FAM89A: variants seen among roughly 807,000 people sequenced by gnomAD.
The protein encoded by FAM89A is family with sequence similarity 89 member A.
In FAM89A, 10 loss-of-function variants were observed where a neutral mutation model predicts 7.1. The ratio of observed to expected loss-of-function variants is 1.40; its 90% CI spans 0.86 to 2.38. FAM89A has a LOEUF of 2.38. Ranked by LOEUF, FAM89A falls within the 30% of genes most tolerant of loss-of-function variation. The pLI, the probability that FAM89A is intolerant of heterozygous loss-of-function variation, is 0.00. For missense variants in FAM89A, 276 were observed against 262.8 expected, an observed-to-expected ratio of 1.05 and a Z score of -0.35; for synonymous variants, 157 against 129.3, an observed-to-expected ratio of 1.21 and a Z score of -1.45.
At chr1:231,035,031 C>G (rs1318738172) in intron 1 of FAM89A, among the ~76,000 whole-genome samples, 1 of 152,184 alleles carries the variant, frequency 6.6e-6, no homozygotes, top group Non-Finnish European at 1.5e-5. Context: ...AGCGAATCCC[C>G]TTATTCTAAA....
intron 1 of FAM89A, chr1:231,028,685 C>G (rs986407856): frequency 6.6e-6 from 1 of 152,224 alleles, no homozygotes; most frequent in Admixed American, 6.5e-5. Context: ...AATTTGTGGT[C>G]CCTTATTCTC....
Position 231,040,197 on chromosome 1 carries a change from C to T in FAM89A, c.15G>A (p.Arg5=), listed in dbSNP as rs1167806254. The T allele has an allele frequency of 1.8e-6, 2 of 1,097,388 alleles. No homozygotes were observed. The highest frequency in any genetic ancestry group is 3.4e-5 in the African/African-American group (2 of 59,552). 68.0% of individuals were successfully genotyped at this position (1,097,388 alleles called of 1,614,324 possible). A position where few individuals can be genotyped will look rare whatever the true frequency, so the allele number is the denominator to read the frequency against. The change falls in exon 1 of 2, where the codon CGG becomes CGA. Residue 5 remains arginine, a synonymous_variant. Coordinates refer to ENST00000366654, the MANE Select transcript of FAM89A (RefSeq NM_198552.3). ...CGTTGCCCGCGGCCCCGGGCGCCGC[C>T]CGGGCCCCACTCATCGCGCCGCGGC... The part of the protein sequence containing the change: MSGA[R]AAPGAAGNGA...
chr1:231,020,998 G>T (rs961956879), intron 1 of FAM89A, among the ~76,000 whole-genome samples: 3 of 152,130 alleles, frequency 2.0e-5, no homozygotes, highest in Non-Finnish European at 4.4e-5. Flanking sequence ...CAGCATCGGT[G>T]CCTCTTAACC....
At chr1:231,038,415 AG>A (rs1309346748) in intron 1 of FAM89A, among the ~76,000 whole-genome samples, 1 of 152,188 alleles carries the variant, frequency 6.6e-6, no homozygotes, top group Non-Finnish European at 1.5e-5. Flanking sequence ...AGCGGCCCCG[AG>A]GTTTTTCTAT....
In FAM89A at chr1:231,040,114, C is replaced by T; in HGVS notation, c.98G>A (p.Gly33Glu). Residue 33 changes from glycine to glutamate, a missense_variant, in exon 1 of 2, where the codon GGG (glycine) becomes GAG (glutamate). Transcript: ENST00000366654. ...GCCGCCCGACGCCGAGTGCAGCAGC[C>T]CGCTCAAGCTCTTTGGCAGCGGGGG... ...GLPPLPKSLS[G>E]LLHSASGGGA... 7.1e-7 allele frequency: 1 copy of T among 1,417,712 alleles called. No individual in the cohort carries two copies. The highest frequency in any genetic ancestry group is 9.2e-7 in the Non-Finnish European group (1 of 1,083,878). 87.8% of individuals were successfully genotyped at this position (1,417,712 alleles called of 1,614,324 possible). A position where few individuals can be genotyped will look rare whatever the true frequency, so the allele number is the denominator to read the frequency against.
intron 1 of FAM89A, among the ~76,000 whole-genome samples, chr1:231,036,489 T>C (rs1040044107): frequency 2.0e-5 from 3 of 152,156 alleles, no homozygotes; most frequent in African/African-American, 4.8e-5. Flanking sequence ...TGTGTGACCC[T>C]TGAAGCTTTC....
intron 1 of FAM89A, among the ~76,000 whole-genome samples, chr1:231,032,302 T>C (rs1680084384): frequency 6.6e-6 from 1 of 151,920 alleles, no homozygotes; most frequent in Non-Finnish European, 1.5e-5. Flanking sequence ...GACAGGCACA[T>C]ATTCAATTTC....
intron 1 of FAM89A, among the ~76,000 whole-genome samples, chr1:231,029,979 T>C (rs1343585072): frequency 6.6e-6 from 1 of 152,206 alleles, no homozygotes; most frequent in Non-Finnish European, 1.5e-5. Context: ...GCATAGTGTT[T>C]AGAAAAAGCC....
chr1:231,039,781 G>A (rs1482341798), intron 1 of FAM89A, 140 bp downstream of exon 1: 6 of 850,048 alleles, frequency 7.1e-6, no homozygotes, highest in Non-Finnish European at 9.4e-6. Context: ...TCGTTGGGAG[G>A]ACGGCGCCGG....
At chr1:231,031,327 C>G (rs1473683321) in intron 1 of FAM89A, among the ~76,000 whole-genome samples, 4 of 152,042 alleles carry the variant, frequency 2.6e-5, no homozygotes, top group Non-Finnish European at 5.9e-5. Flanking sequence ...TGTGGATATT[C>G]CTCTTTGCTA....
intron 1 of FAM89A, among the ~76,000 whole-genome samples, chr1:231,034,230 C>T (rs1572358034): frequency 6.6e-6 from 1 of 151,980 alleles, no homozygotes; most frequent in East Asian, 1.9e-4. Flanking sequence ...GCACGTGTGC[C>T]CAAAAGTTAT....
chr1:231,021,120 G>A (rs566915475), intron 1 of FAM89A, among the ~76,000 whole-genome samples: 45 of 152,214 alleles, frequency 3.0e-4, no homozygotes, highest in Non-Finnish European at 4.4e-4. Context: ...TGGTGATTCC[G>A]TGCTATGCTG....
intron 1 of FAM89A, among the ~76,000 whole-genome samples, chr1:231,036,503 G>A (rs4074494): frequency 0.41 from 62,610 of 151,862 alleles, 13,094 homozygotes; most frequent in East Asian, 0.55. Context: ...AGCTTTCCAA[G>A]TGGGCCCTTC....
At chr1:231,022,347 T>C (rs1400382436) in intron 1 of FAM89A, among the ~76,000 whole-genome samples, 1 of 152,304 alleles carries the variant, frequency 6.6e-6, no homozygotes, top group Non-Finnish European at 1.5e-5. Context: ...AGTTTGATGC[T>C]ATGGCGCTGG....
chr1:231,032,925 C>T (rs1680099391), intron 1 of FAM89A, among the ~76,000 whole-genome samples: 2 of 152,230 alleles, frequency 1.3e-5, no homozygotes, highest in African/African-American at 4.8e-5. Flanking sequence ...ACTCAGAAAG[C>T]GCACACCTGC....
At chr1:231,024,058 T>G (rs1256548105) in intron 1 of FAM89A, among the ~76,000 whole-genome samples, 3 of 152,250 alleles carry the variant, frequency 2.0e-5, no homozygotes, top group South Asian at 4.1e-4. Flanking sequence ...TAGGGAAAGG[T>G]TGGTATGAAA....
chr1:231,034,098 C>T (rs1367239260), intron 1 of FAM89A, among the ~76,000 whole-genome samples: 1 of 152,148 alleles, frequency 6.6e-6, no homozygotes, highest in African/African-American at 2.4e-5. Context: ...TCAAGAATAG[C>T]AAACTTGTAC....
chr1:231,025,641 A>G (rs1338629476), intron 1 of FAM89A, among the ~76,000 whole-genome samples: 1 of 151,948 alleles, frequency 6.6e-6, no homozygotes, highest in Non-Finnish European at 1.5e-5. Context: ...GTCTGTCAAG[A>G]GGGAGGGAAA....
At chr1:231,030,033 T>C (rs914872623) in intron 1 of FAM89A, among the ~76,000 whole-genome samples, 2 of 152,346 alleles carry the variant, frequency 1.3e-5, no homozygotes, top group East Asian at 3.9e-4. Flanking sequence ...AGACGGGCTA[T>C]GAGCCCAGCT....
Sources: gnomAD v4.1 joint callset for allele counts (sites outside exome capture counted in the v4.1 genomes callset) on GRCh38, gnomAD v4.1.1 for gene constraint, MANE v1.5 for transcripts, NCBI Gene and HGNC (gene_info 2026-07-23, HGNC 2026-07-21) for gene names.